MS4A6E: variants seen among roughly 807,000 people sequenced by gnomAD.
MS4A6E encodes membrane-spanning 4-domains subfamily A member 6E.
MS4A6E carries 8 observed loss-of-function variants against 13.2 expected under a neutral mutation model. That is an observed-to-expected ratio of 0.60 (90% CI 0.35 to 1.09). The LOEUF is 1.09. MS4A6E is among the 50% of genes least tolerant of loss of function. The pLI, the probability that MS4A6E is intolerant of heterozygous loss-of-function variation, is 0.02. For missense variants in MS4A6E, 177 were observed against 171.1 expected (o/e 1.03, Z -0.19); for synonymous variants, 72 against 67.6 (o/e 1.06, Z -0.32).
chr11:60,334,912 T>C lies in MS4A6E; in HGVS notation c.17T>C (p.Ile6Thr). 2.5e-6 allele frequency: 4 copies of C among 1,614,060 alleles called. No homozygotes were observed. Among genetic ancestry groups the C allele is most frequent in the Non-Finnish European group, 3.4e-6 (4 of 1,179,920 alleles). ...AACACCATTATGACATCACAACCTA[T>C]TTCCAATGAGACCATCATAATGCTC... MTSQP[I>T]SNETIIMLPS... The change falls in exon 2 of 5, where the codon ATT (isoleucine) becomes ACT (threonine). Residue 6 changes from isoleucine to threonine, a missense_variant. Ile to Thr is a moderately conservative substitution (Grantham distance 89). Transcript: ENST00000684409.
intron 1 of MS4A6E, among the ~76,000 whole-genome samples, chr11:60,333,662 TA>T (rs1565155593): frequency 6.6e-6 from 1 of 152,132 alleles, no homozygotes; most frequent in African/African-American, 2.4e-5. Flanking sequence ...AAAACTCGGA[TA>T]GTTGTTTTGG....
rs367954609 is a variant in MS4A6E at position 60,336,975 on chromosome 11, G to A, written c.148-766G>A. ...ACTGAGTACCCAAGGGAACAAGCTG[G>A]GTCAAGTCTATATTGTGACCTCAAT... On this transcript the variant is annotated intron_variant, in intron 2 of 4. Transcript: ENST00000684409. Among the ~76,000 whole-genome samples, 16 of 152,258 alleles carry A rather than the reference G, an allele frequency of 1.1e-4. No homozygotes were observed. In the East Asian group the frequency reaches 2.7e-3, roughly 26 times the overall value.
chr11:60,345,778 T>G (rs2085253606), downstream of MS4A6E, among the ~76,000 whole-genome samples: 1 of 152,202 alleles, frequency 6.6e-6, no homozygotes, highest in Non-Finnish European at 1.5e-5. Context: ...CAGGGTTAAT[T>G]TGGTGGCTTC....
intron 1 of MS4A6E, among the ~76,000 whole-genome samples, chr11:60,332,170 T>A (rs904019519): frequency 2.0e-5 from 3 of 152,230 alleles, no homozygotes; most frequent in African/African-American, 7.2e-5. Flanking sequence ...GTGAATATTA[T>A]GTTTCAAAAA....
chr11:60,332,004 ATGTT>A (rs2085159252), intron 1 of MS4A6E, among the ~76,000 whole-genome samples: 2 of 152,294 alleles, frequency 1.3e-5, no homozygotes, highest in Admixed American at 6.5e-5. Flanking sequence ...TGAGAAATAA[ATGTT>A]TGTTTTTTCA....
Position 60,337,789 on chromosome 11 carries a change from G to GTGGGT in MS4A6E, c.198_202dup (p.Phe68TrpfsTer13), listed in dbSNP as rs1309010834. The GTGGGT allele has an allele frequency of 6.2e-7, 1 of 1,614,198 alleles. No homozygotes were observed. Among genetic ancestry groups the GTGGGT allele is most frequent in the East Asian group, 2.2e-5 (1 of 44,884 alleles). On this transcript the variant is annotated frameshift_variant, in exon 3 of 5. Coordinates refer to ENST00000684409, the MANE Select transcript of MS4A6E (RefSeq NM_139249.4). LOFTEE classifies it high-confidence loss of function. ...CATTCTGAGTGCTCTGTCTGCCCTG[G>GTGGGT]TGGGTTTCATTCTCCTGTCTGTCAA... is the stretch of plus-strand genomic sequence containing the variant.
At chr11:60,343,881 C>T (rs2085244160), downstream of MS4A6E, among the ~76,000 whole-genome samples, 1 of 152,112 alleles carries the variant, frequency 6.6e-6, no homozygotes, top group South Asian at 2.1e-4. Context: ...GGAATTAATA[C>T]CTGTAACTTT....
At chr11:60,332,640 T>A (rs1157983795) in intron 1 of MS4A6E, among the ~76,000 whole-genome samples, 5 of 152,310 alleles carry the variant, frequency 3.3e-5, no homozygotes, top group Middle Eastern at 3.4e-3. Flanking sequence ...CCCATGTAGC[T>A]GAGGTGCTAA....
intron 4 of MS4A6E, among the ~76,000 whole-genome samples, chr11:60,340,503 G>A (rs1314834105): frequency 1.3e-5 from 2 of 152,078 alleles, no homozygotes; most frequent in African/African-American, 4.8e-5. Flanking sequence ...AATTCCAAGG[G>A]ATACCACCCC....
chr11:60,329,104 G>T (rs190672542), intron 1 of MS4A6E, among the ~76,000 whole-genome samples: 1 of 151,988 alleles, frequency 6.6e-6, no homozygotes, highest in Non-Finnish European at 1.5e-5. Flanking sequence ...TCAACCCATC[G>T]TCTACATTAG....
At chr11:60,345,493 T>C (rs866726774), downstream of MS4A6E, among the ~76,000 whole-genome samples, 3 of 152,200 alleles carry the variant, frequency 2.0e-5, 1 homozygote, top group South Asian at 6.2e-4. Flanking sequence ...ACAGCTACTA[T>C]CTGTGAAGAG....
intron 1 of MS4A6E, among the ~76,000 whole-genome samples, chr11:60,333,930 G>A (rs10792266): frequency 0.24 from 36,201 of 152,138 alleles, 4,563 homozygotes; most frequent in Middle Eastern, 0.31. Context: ...AGGAAAAGAC[G>A]CATCAAAATG....
downstream of MS4A6E, among the ~76,000 whole-genome samples, chr11:60,342,204 G>A (rs76877532): frequency 0.015 from 1,438 of 98,250 alleles, 43 homozygotes; most frequent in African/African-American, 0.067. Context: ...AGAGAGAGGG[G>A]GGGGGAGAGA....
At chr11:60,338,996 G>A (rs376197833) in intron 3 of MS4A6E, among the ~76,000 whole-genome samples, 14 of 152,150 alleles carry the variant, frequency 9.2e-5, no homozygotes, top group Non-Finnish European at 8.8e-5. Flanking sequence ...ATGATGGGAC[G>A]ATTTTATATT....
downstream of MS4A6E, among the ~76,000 whole-genome samples, chr11:60,342,356 C>A (rs1010647137): frequency 3.9e-5 from 6 of 151,954 alleles, no homozygotes; most frequent in African/African-American, 1.5e-4. Context: ...TTGTCTCATG[C>A]CAAGAAAATT....
chr11:60,329,755 T>G (rs1346856233), intron 1 of MS4A6E, among the ~76,000 whole-genome samples: 2 of 152,182 alleles, frequency 1.3e-5, no homozygotes, highest in Non-Finnish European at 2.9e-5. Flanking sequence ...ATGATGAGCT[T>G]TTTTTCCTAT....
intron 4 of MS4A6E, among the ~76,000 whole-genome samples, chr11:60,348,535 C>T (rs778309002): frequency 7.2e-5 from 11 of 152,230 alleles, no homozygotes; most frequent in African/African-American, 1.2e-4. Context: ...ATATGGCAGT[C>T]GCAGATGGAA....
chr11:60,327,262 C>T lies in MS4A6E; in HGVS notation c.-161C>T, dbSNP rs1304902189. 6.6e-6 allele frequency among the ~76,000 whole-genome samples: 1 copy of T among 152,140 alleles called. No individual in the cohort carries two copies. The highest frequency in any genetic ancestry group is 1.9e-4 in the East Asian group (1 of 5,198). ...TCACAAGACATTTGGACTATTTCAC[C>T]CTTCCATTCATTCCACCATGTGAGG... On this transcript the variant is annotated 5_prime_UTR_variant, in exon 1 of 5. Transcript: ENST00000684409.
chr11:60,346,329 T>C (rs370944232), downstream of MS4A6E, among the ~76,000 whole-genome samples: 60 of 152,320 alleles, frequency 3.9e-4, no homozygotes, highest in East Asian at 8.1e-3. Flanking sequence ...CTCTTGTGTT[T>C]CCTCTCTTTC....
Sources: allele counts gnomAD v4.1 joint callset (sites outside exome capture counted in the v4.1 genomes callset), GRCh38; gene constraint gnomAD v4.1.1; transcripts MANE v1.5; gene names NCBI Gene and HGNC (gene_info 2026-07-23, HGNC 2026-07-21).